Variants in TMEM130 observed in about 807,000 individuals in gnomAD.
The protein encoded by TMEM130 is transmembrane protein 130.
In TMEM130, 37 loss-of-function variants were observed where a neutral mutation model predicts 42.9. That is an observed-to-expected ratio of 0.86 (90% CI 0.66 to 1.13). The LOEUF (loss-of-function observed/expected upper bound fraction) is 1.13, where lower values mean the gene tolerates loss of function less well. Ranked by LOEUF, TMEM130 falls within the 50% of genes most tolerant of loss-of-function variation. The probability of loss-of-function intolerance (pLI) is 0.00; values close to 1 mark genes in which losing one functional copy is unlikely to be tolerated. For missense variants in TMEM130, 545 were observed against 562.6 expected, an observed-to-expected ratio of 0.97 and a Z score of 0.32; for synonymous variants, 259 against 237.7, an observed-to-expected ratio of 1.09 and a Z score of -0.82.
chr7:98,860,046 A>T (rs1554399528), intron 3 of TMEM130, 133 bp downstream of exon 3: 1 of 742,664 alleles, frequency 1.3e-6, no homozygotes, highest in East Asian at 3.4e-5. Context: ...TCCAGCCTGG[A>T]TGACAGAACA....
At chr7:98,856,813 G>C (rs1443790406) in intron 3 of TMEM130, among the ~76,000 whole-genome samples, 1 of 152,078 alleles carries the variant, frequency 6.6e-6, no homozygotes, top group African/African-American at 2.4e-5. Context: ...GGGTTCTGTT[G>C]GACAAAGCTG....
At chr7:98,860,960 A>ATTAGC (rs1794760403) in intron 2 of TMEM130, among the ~76,000 whole-genome samples, 1 of 150,396 alleles carries the variant, frequency 6.6e-6, no homozygotes, top group African/African-American at 2.4e-5. Context: ...AAAAAAAAAA[A>ATTAGC]AAAAAGAAGA....
Position 98,851,625 on chromosome 7 carries a change from T to C in TMEM130, c.804-2A>G. On this transcript the variant is annotated splice_acceptor_variant, in intron 5 of 7. Coordinates refer to ENST00000339375, the MANE Select transcript of TMEM130 (RefSeq NM_152913.3). LOFTEE classifies it high-confidence loss of function. Reference sequence around the variant, plus strand: ...CGCCAGCACACAGTCAGAGGAGGGCTGCAGGGAAATGGGGGCGGTTTTTAA... The same window carrying C: ...CGCCAGCACACAGTCAGAGGAGGGCCGCAGGGAAATGGGGGCGGTTTTTAA... 6.2e-7 allele frequency: 1 copy of C among 1,606,252 alleles called. No individual in the cohort carries two copies. The highest frequency in any genetic ancestry group is 8.5e-7 in the Non-Finnish European group (1 of 1,175,136).
At chr7:98,861,225 C>A (rs931773805) in intron 2 of TMEM130, among the ~76,000 whole-genome samples, 1 of 151,882 alleles carries the variant, frequency 6.6e-6, no homozygotes. Flanking sequence ...GTAGTCCCAG[C>A]TACTTGGGAG....
In TMEM130 at chr7:98,851,631, GA is replaced by G. The variant is rs782385545; in HGVS notation, c.804-9del. ...CACACAGTCAGAGGAGGGCTGCAGG[GA>G]AATGGGGGCGGTTTTTAAGAAAAGG... On this transcript the variant is annotated splice_polypyrimidine_tract_variant and intron_variant, in intron 5 of 7. Transcript: ENST00000339375. 2 of 1,603,194 alleles carry G rather than the reference GA, an allele frequency of 1.2e-6. No individual in the cohort carries two copies. The highest frequency in any genetic ancestry group is 4.5e-5 in the East Asian group (2 of 44,640).
intron 6 of TMEM130, among the ~76,000 whole-genome samples, chr7:98,850,616 G>A (rs1048515947): frequency 3.9e-5 from 6 of 151,956 alleles, no homozygotes; most frequent in Middle Eastern, 3.4e-3. Flanking sequence ...GTTTTGCCAC[G>A]TTGCCCAGGC....
At chr7:98,849,970 G>A (rs1304813822) in intron 6 of TMEM130, among the ~76,000 whole-genome samples, 5 of 152,058 alleles carry the variant, frequency 3.3e-5, no homozygotes, top group East Asian at 3.9e-4. Flanking sequence ...GCCCACAATC[G>A]TAAGCCAGGG....
At position 98,859,730 on chromosome 7, in the gene TMEM130, AAATT is replaced by A. The variant is rs1407824091; in HGVS notation, c.551+445_551+448del. Among the ~76,000 whole-genome samples, 1,078 of 114,424 alleles carry A rather than the reference AAATT, an allele frequency of 9.4e-3. 11 individuals carry two copies. Among genetic ancestry groups the A allele is most frequent in the East Asian group, 0.082 (292 of 3,560 alleles). The allele number at this position is 114,424 out of a possible 152,430, so 75.1% of individuals were successfully genotyped here. ...TCTCTACTAAAAAATATAAATAAAT[AAATT>A]AATTAATTAATTAATTAAATTTAAT... On this transcript the variant is annotated intron_variant, in intron 3 of 7. Transcript: ENST00000339375.
At chr7:98,853,195 C>G (rs1453324564) in intron 5 of TMEM130, among the ~76,000 whole-genome samples, 1 of 152,182 alleles carries the variant, frequency 6.6e-6, no homozygotes, top group East Asian at 1.9e-4. Flanking sequence ...ATGCTAAGCT[C>G]CTGCCTCCAA....
At chr7:98,854,217 T>C (rs1794576636) in intron 5 of TMEM130, among the ~76,000 whole-genome samples, 1 of 152,024 alleles carries the variant, frequency 6.6e-6, no homozygotes, top group African/African-American at 2.4e-5. Context: ...AAAAGGCTTT[T>C]GAAGGCAGGC....
rs1363722146 is a variant in TMEM130, at chr7:98,851,478, C to A, written c.949G>T (p.Ala317Ser). Reference sequence around the variant, plus strand: ...TGTGTCTTGCTGATGATATTCTCGGCCCGGATGCTGAAGCAGTAGTCCCCA... The same window carrying A: ...TGTGTCTTGCTGATGATATTCTCGGACCGGATGCTGAAGCAGTAGTCCCCA... Reference protein sequence around the residue: ...DPGDYCFSIRAENIISKTHQY... With the variant: ...DPGDYCFSIRSENIISKTHQY... Residue 317 changes from alanine to serine, a missense_variant, in exon 6 of 8, where the codon GCC becomes TCC. Physicochemically the swap from Ala to Ser is moderately conservative, Grantham distance 99 (BLOSUM62 1). Transcript: ENST00000339375. The A allele has an allele frequency of 1.8e-5, 29 of 1,613,936 alleles. No homozygotes were observed. The highest frequency in any genetic ancestry group is 2.2e-5 in the Non-Finnish European group (26 of 1,180,024).
chr7:98,863,717 CTT>C (rs1251528359), intron 1 of TMEM130, among the ~76,000 whole-genome samples: 1 of 144,708 alleles, frequency 6.9e-6, no homozygotes, highest in South Asian at 2.3e-4. Flanking sequence ...TCCTTCCTTT[CTT>C]TTTCTTTCCT....
intron 5 of TMEM130, 53 bp downstream of exon 5, chr7:98,855,187 G>T (rs1258981844): frequency 6.6e-7 from 1 of 1,510,150 alleles, no homozygotes; most frequent in South Asian, 1.2e-5. Context: ...CATCGTGAAG[G>T]GGGATGTGCA....
intron 1 of TMEM130, among the ~76,000 whole-genome samples, chr7:98,864,720 G>A (rs1018387589): frequency 1.3e-5 from 2 of 152,058 alleles, no homozygotes; most frequent in African/African-American, 2.4e-5. Context: ...CCAACATGGT[G>A]AAACCCTGTC....
Position 98,856,151 on chromosome 7 carries a change from T to G in TMEM130, c.584A>C (p.Tyr195Ser). ...TQMVTEDSVV[Y>S]YNYSIIGTFT... The stretch of plus-strand genomic sequence containing the variant: ...GGTCCCGATGATGGAATAGTTATAA[T>G]AGACCACGGAGTCTTCAGTCACCAT... Residue 195 changes from tyrosine to serine, a missense_variant, in exon 4 of 8, where the codon TAT (tyrosine) becomes TCT (serine). Transcript: ENST00000339375. 1 of 1,613,956 alleles carries G rather than the reference T, an allele frequency of 6.2e-7. No homozygotes were observed. The highest frequency in any genetic ancestry group is 8.5e-7 in the Non-Finnish European group (1 of 1,180,006).
Position 98,856,124 on chromosome 7 carries a change from A to T in TMEM130, c.611T>A (p.Phe204Tyr). The change falls in exon 4 of 8, where the codon TTC (phenylalanine) becomes TAC (tyrosine). Residue 204 changes from phenylalanine to tyrosine, a missense_variant. Physicochemically the swap from Phe to Tyr is conservative, Grantham distance 22. Coordinates refer to ENST00000339375, the MANE Select transcript of TMEM130 (RefSeq NM_152913.3). ...VYYNYSIIGT[F>Y]TVKLKVVAEW... ...CGCCACCACTTTGAGCTTCACGGTG[A>T]AGGTCCCGATGATGGAATAGTTATA... 6.2e-7 allele frequency: 1 copy of T among 1,614,026 alleles called. No individual in the cohort carries two copies. The highest frequency in any genetic ancestry group is 8.5e-7 in the Non-Finnish European group (1 of 1,180,034).
At chr7:98,858,226 C>G (rs1311525704) in intron 3 of TMEM130, among the ~76,000 whole-genome samples, 1 of 152,048 alleles carries the variant, frequency 6.6e-6, no homozygotes, top group African/African-American at 2.4e-5. Flanking sequence ...TCTGTTCATA[C>G]TAACGCTTTT....
At position 98,848,197 on chromosome 7, in the gene TMEM130, T is replaced by C; in HGVS notation, c.1131A>G (p.Pro377=). 6.2e-7 allele frequency: 1 copy of C among 1,613,976 alleles called. No individual in the cohort carries two copies. Among genetic ancestry groups the C allele is most frequent in the Non-Finnish European group, 8.5e-7 (1 of 1,179,970 alleles). The change falls in exon 8 of 8, where the codon CCA becomes CCG. Residue 377 remains proline, a synonymous_variant. Coordinates refer to ENST00000339375, the MANE Select transcript of TMEM130 (RefSeq NM_152913.3). Reference sequence around the variant, plus strand: ...GGCAGCAGCACCTGACCCCAGAGGGTGGCTCCGGGTTCTTGTCAGACATGG... The same window carrying C: ...GGCAGCAGCACCTGACCCCAGAGGGCGGCTCCGGGTTCTTGTCAGACATGG... ...QQKDMVENPE[P]PSGVRCCCQM... is the part of the protein sequence containing the mutation.
Position 98,869,949 on chromosome 7 carries a change from G to T in TMEM130, c.-88C>A. ...AACTGCGGCGGTCGCTCCTCCGGGC[G>T]CGCAGCGCGGGCGGTGCGGGGAGGT... On this transcript the variant is annotated 5_prime_UTR_variant, in exon 1 of 8. Transcript: ENST00000339375. This position sits in a 1 kb window ranked among gnomAD's most constrained non-coding sequence, Gnocchi z 4.7. The T allele has an allele frequency of 1.0e-6, 1 of 977,154 alleles. No homozygotes were observed. Among genetic ancestry groups the T allele is most frequent in the Non-Finnish European group, 1.3e-6 (1 of 750,454 alleles). The allele number at this position is 977,154 out of a possible 1,614,324, so 60.5% of individuals were successfully genotyped here.
Sources: gnomAD v4.1 joint callset for allele counts (sites outside exome capture counted in the v4.1 genomes callset) on GRCh38, gnomAD v4.1.1 for gene constraint, Gnocchi (gnomAD v3.1) non-coding constraint, MANE v1.5 for transcripts, NCBI Gene and HGNC (gene_info 2026-07-23, HGNC 2026-07-21) for gene names.